CCDC66: variants seen among roughly 807,000 people sequenced by gnomAD.
CCDC66 encodes the protein coiled-coil domain containing 66.
CCDC66 carries 133 observed loss-of-function variants against 128.3 expected under a neutral mutation model. The observed-to-expected ratio is 1.04, with a 90% confidence interval of 0.90 to 1.20. CCDC66 has a LOEUF of 1.20. CCDC66 is among the 50% of genes most tolerant of loss of function. The pLI is 0.00. For missense variants in CCDC66, 1,126 were observed against 1,075.5 expected (o/e 1.05, Z -0.66); for synonymous variants, 387 against 357.0 (o/e 1.08, Z -0.95).
At chr3:56,595,533 A>G (rs1156324532) in intron 10 of CCDC66, among the ~76,000 whole-genome samples, 1 of 152,230 alleles carries the variant, frequency 6.6e-6, no homozygotes, top group African/African-American at 2.4e-5. Context: ...TTCACTTAAC[A>G]TAATGACGTC....
rs144915430 is a variant in CCDC66, at chr3:56,602,597, G to A, written c.1404+8569G>A. Among the ~76,000 whole-genome samples, 1,145 of 151,952 alleles carry A rather than the reference G, an allele frequency of 7.5e-3. 6 individuals carry two copies. The highest frequency in any genetic ancestry group is 0.014 in the Middle Eastern group (4 of 294). On this transcript the variant is annotated intron_variant, in intron 10 of 17. Coordinates refer to ENST00000394672, the MANE Select transcript of CCDC66 (RefSeq NM_001141947.3). Reference sequence around the variant, plus strand: ...TCTGGTAGAATTCTGCTGTGAATCCGTCTGGTCCTGGACTTCTTTTGGTTG... The same window carrying A: ...TCTGGTAGAATTCTGCTGTGAATCCATCTGGTCCTGGACTTCTTTTGGTTG...
intron 10 of CCDC66, among the ~76,000 whole-genome samples, chr3:56,601,856 A>T (rs2073223480): frequency 6.6e-6 from 1 of 152,092 alleles, no homozygotes; most frequent in African/African-American, 2.4e-5. Flanking sequence ...TTATCAGCTT[A>T]AGGAGATTTG....
At chr3:56,582,006 C>T (rs1028354502) in intron 7 of CCDC66, among the ~76,000 whole-genome samples, 1 of 151,916 alleles carries the variant, frequency 6.6e-6, no homozygotes, top group Admixed American at 6.6e-5. Context: ...ATGCCCTGCC[C>T]CCAGAGGTGG....
Position 56,617,478 on chromosome 3 carries a change from A to G in CCDC66, c.2210A>G (p.Glu737Gly). The G allele has an allele frequency of 6.2e-7, 1 of 1,614,098 alleles. No homozygotes were observed. The highest frequency in any genetic ancestry group is 8.5e-7 in the Non-Finnish European group (1 of 1,179,992). Residue 737 changes from glutamate to glycine, a missense_variant, in exon 14 of 18, where the codon GAA becomes GGA. Coordinates refer to ENST00000394672, the MANE Select transcript of CCDC66 (RefSeq NM_001141947.3). ...GAAAAAAAAGTAAGGAGGCAGATGG[A>G]ATTGCTTCATTTGGTAGAAAAAAAT... is the stretch of plus-strand genomic sequence containing the variant. Reference protein sequence around the residue: ...REEKKVRRQMELLHLVEKNNP... With the variant: ...REEKKVRRQMGLLHLVEKNNP...
At chr3:56,591,335 C>G (rs1484465388) in intron 7 of CCDC66, among the ~76,000 whole-genome samples, 1 of 152,126 alleles carries the variant, frequency 6.6e-6, no homozygotes, top group African/African-American at 2.4e-5. Flanking sequence ...GAATAATTTG[C>G]AATGCCACTA....
Position 56,617,030 on chromosome 3 carries a change from T to C in CCDC66, c.1844-82T>C. The C allele has an allele frequency of 3.5e-6, 4 of 1,132,434 alleles. No individual in the cohort carries two copies. The South Asian group carries it at 5.4e-5, about 15-fold the overall frequency. 70.1% of individuals were successfully genotyped at this position (1,132,434 alleles called of 1,614,324 possible). On this transcript the variant is annotated intron_variant, in intron 13 of 17. Coordinates refer to ENST00000394672, the MANE Select transcript of CCDC66 (RefSeq NM_001141947.3). ...AGAAAAAAGTCTTAGAGGGCAATAA[T>C]TGTTTAATGTTTTGGGGAAAATTAT...
intron 8 of CCDC66, 29 bp downstream of exon 8, chr3:56,593,130 AG>A (rs1244510717): frequency 1.3e-6 from 2 of 1,503,832 alleles, no homozygotes; most frequent in South Asian, 2.5e-5. Flanking sequence ...TGGCTATAAA[AG>A]AAAAAATAAA....
At chr3:56,560,789 A>T in intron 3 of CCDC66, 3 of 420,036 alleles carry the variant, frequency 7.1e-6, no homozygotes, top group African/African-American at 2.1e-5. Context: ...TTCTTTTTTA[A>T]TTTTTAGATT....
At chr3:56,578,724 G>A (rs1341360247) in intron 7 of CCDC66, among the ~76,000 whole-genome samples, 4 of 151,722 alleles carry the variant, frequency 2.6e-5, no homozygotes, top group Non-Finnish European at 5.9e-5. Context: ...ATTGATTTGC[G>A]TATGATGAAC....
chr3:56,600,996 G>C (rs2073062590), intron 10 of CCDC66, among the ~76,000 whole-genome samples: 2 of 152,012 alleles, frequency 1.3e-5, no homozygotes, highest in African/African-American at 4.8e-5. Flanking sequence ...GATCCCATTT[G>C]TCAATTTCAG....
In CCDC66 at chr3:56,617,270, G is replaced by C. The variant is rs143439199; in HGVS notation, c.2002G>C (p.Ala668Pro). The C allele has an allele frequency of 4.0e-5, 65 of 1,613,710 alleles. No homozygotes were observed. In the African/African-American group the frequency reaches 7.6e-4, roughly 19 times the overall value. The stretch of plus-strand genomic sequence containing the variant: ...GCAAGAACTAACTCAGGATAAAGGA[G>C]CCAGCTTAGAAAAAGAAAACAATCG... ...NKQELTQDKG[A>P]SLEKENNRCN... The change falls in exon 14 of 18, where the codon GCC becomes CCC. Residue 668 changes from alanine (A) to proline (P), a missense_variant. By Grantham distance (27) the Ala-to-Pro change is conservative (BLOSUM62 -1). Transcript: ENST00000394672.
In CCDC66 at chr3:56,566,703, A is replaced by G. The variant is rs2107789878; in HGVS notation, c.654A>G (p.Lys218=). The G allele has an allele frequency of 6.2e-7, 1 of 1,613,966 alleles. No homozygotes were observed. The highest frequency in any genetic ancestry group is 8.5e-7 in the Non-Finnish European group (1 of 1,179,910). The part of the protein sequence containing the change: ...EMVSSVPAEN[K]SVLNEHQETS... ...TTTCATCTGTCCCAGCTGAAAATAA[A>G]TCTGTCTTAAATGAACATCAGGAGA... The change falls in exon 5 of 18, where the codon AAA becomes AAG. Residue 218 remains lysine (K), a synonymous_variant. Transcript: ENST00000394672.
At position 56,597,776 on chromosome 3, in the gene CCDC66, G is replaced by GTTTTTTTTTTTTTTTTTTTTTTT. The variant is rs753875788; in HGVS notation, c.1404+3748_1404+3749insTTTTTTTTTTTTTTTTTTTTTTT. ...TTGTGGAGTCTAGGTTTTGTTTTGG[G>GTTTTTTTTTTTTTTTTTTTTTTT]GTTTTTTTTTTTTTTTGAGACAGAG... On this transcript the variant is annotated intron_variant, in intron 10 of 17. Coordinates refer to ENST00000394672, the MANE Select transcript of CCDC66 (RefSeq NM_001141947.3). Among the ~76,000 whole-genome samples the GTTTTTTTTTTTTTTTTTTTTTTT allele has an allele frequency of 3.4e-3, 208 of 61,568 alleles. 24 individuals are homozygous for GTTTTTTTTTTTTTTTTTTTTTTT. Among genetic ancestry groups the GTTTTTTTTTTTTTTTTTTTTTTT allele is most frequent in the Middle Eastern group, 0.011 (1 of 88 alleles). The allele number at this position is 61,568 out of a possible 152,430, so 40.4% of individuals were successfully genotyped here.
At chr3:56,585,118 G>GGGGAGA (rs1308253434) in intron 7 of CCDC66, among the ~76,000 whole-genome samples, 4 of 118,326 alleles carry the variant, frequency 3.4e-5, no homozygotes, top group African/African-American at 7.7e-5. Context: ...GGAGGGGGAG[G>GGGGAGA]GGGAGAGGGA....
intron 10 of CCDC66, among the ~76,000 whole-genome samples, chr3:56,599,620 T>A (rs892069460): frequency 2.0e-5 from 3 of 152,074 alleles, no homozygotes; most frequent in Non-Finnish European, 2.9e-5. Context: ...AGAATTTTTT[T>A]AAATTTTTTC....
intron 7 of CCDC66, among the ~76,000 whole-genome samples, chr3:56,585,134 AGGGAGAGGG>A (rs2069431681): frequency 7.5e-6 from 1 of 134,114 alleles, no homozygotes; most frequent in Non-Finnish European, 1.6e-5. Context: ...AGGGAGAGGG[AGGGAGAGGG>A]AGAGGGAGAG....
At chr3:56,579,553 A>G (rs1032114729) in intron 7 of CCDC66, among the ~76,000 whole-genome samples, 2 of 151,854 alleles carry the variant, frequency 1.3e-5, no homozygotes, top group Non-Finnish European at 2.9e-5. Context: ...ATTAAGTGCT[A>G]TAAATTTCCC....
intron 12 of CCDC66, 154 bp from the exon 13 acceptor site, chr3:56,615,768 G>C (rs1411182552): frequency 8.0e-6 from 4 of 499,912 alleles, no homozygotes; most frequent in Non-Finnish European, 1.3e-5. Context: ...CCTAAATTCA[G>C]TAACTGATAG....
At chr3:56,612,693 T>G (rs1382396433) in intron 10 of CCDC66, among the ~76,000 whole-genome samples, 1 of 152,100 alleles carries the variant, frequency 6.6e-6, no homozygotes, top group Non-Finnish European at 1.5e-5. Flanking sequence ...GACTTGCAGG[T>G]GGCATATGAG....
Sources: gnomAD v4.1 joint callset for allele counts (sites outside exome capture counted in the v4.1 genomes callset) on GRCh38, gnomAD v4.1.1 for gene constraint, MANE v1.5 for transcripts, NCBI Gene and HGNC (gene_info 2026-07-23, HGNC 2026-07-21) for gene names.